Variants in ARHGEF28 observed in about 807,000 individuals in gnomAD.
ARHGEF28 encodes 190 kDa guanine nucleotide exchange factor.
Under a neutral mutation model 206.6 loss-of-function variants are expected in ARHGEF28, and 152 were observed. The ratio of observed to expected loss-of-function variants is 0.74; its 90% CI spans 0.64 to 0.84. The LOEUF (loss-of-function observed/expected upper bound fraction) is 0.84, where lower values mean the gene tolerates loss of function less well. Ranked by LOEUF, ARHGEF28 falls within the 40% of genes least tolerant of loss-of-function variation. The probability of loss-of-function intolerance (pLI) is 0.00; values close to 1 mark genes in which losing one functional copy is unlikely to be tolerated. For missense variants in ARHGEF28, 2,028 were observed against 2,073.2 expected, an observed-to-expected ratio of 0.98 and a Z score of 0.42; for synonymous variants, 763 against 776.4, an observed-to-expected ratio of 0.98 and a Z score of 0.29.
At chr5:73,936,359 T>C (rs751477810) in intron 35 of ARHGEF28, among the ~76,000 whole-genome samples, 3 of 152,218 alleles carry the variant, frequency 2.0e-5, no homozygotes, top group Non-Finnish European at 2.9e-5. Flanking sequence ...ACTGAAGATA[T>C]AGTGCTGGGA....
rs114555681 is a variant in ARHGEF28, at chr5:73,732,152, A to G, written c.34-17685A>G. Among the ~76,000 whole-genome samples, 571 of 152,082 alleles carry G rather than the reference A, an allele frequency of 3.8e-3. 1 individual carries two copies. The highest frequency in any genetic ancestry group is 0.013 in the African/African-American group (559 of 41,474). On this transcript the variant is annotated intron_variant, in intron 2 of 35. Transcript: ENST00000513042. The stretch of plus-strand genomic sequence containing the variant: ...TTGCACAAATGTATAATGATAAAGT[A>G]TCCACCTTTATGGTATTACATAGAG...
intron 9 of ARHGEF28, among the ~76,000 whole-genome samples, chr5:73,820,101 C>T (rs1053482927): frequency 1.3e-5 from 2 of 152,262 alleles, no homozygotes; most frequent in African/African-American, 4.8e-5. Flanking sequence ...GAAAGTGCCT[C>T]GTGGCACAAA....
In ARHGEF28 at chr5:73,765,430, G is replaced by A. The variant is rs144474276; in HGVS notation, c.476-8425G>A. Among the ~76,000 whole-genome samples, 567 of 152,336 alleles carry A rather than the reference G, an allele frequency of 3.7e-3. 7 individuals are homozygous for A. Among genetic ancestry groups the A allele is most frequent in the African/African-American group, 0.013 (532 of 41,576 alleles). ...GTGAGCCACGGCTCCCAGTCAGCCA[G>A]CCACACAATCACAAGAGTAATCAGT... On this transcript the variant is annotated intron_variant, in intron 4 of 35. Coordinates refer to ENST00000513042, the MANE Select transcript of ARHGEF28 (RefSeq NM_001177693.2).
chr5:73,845,125 T>C (rs1191412323), intron 11 of ARHGEF28, among the ~76,000 whole-genome samples: 3 of 151,366 alleles, frequency 2.0e-5, no homozygotes, highest in East Asian at 1.9e-4. Flanking sequence ...TCACGCCATT[T>C]TCCTGCCTTA....
At chr5:73,886,682 A>G (rs561074846) in intron 25 of ARHGEF28, among the ~76,000 whole-genome samples, 2 of 152,330 alleles carry the variant, frequency 1.3e-5, no homozygotes, top group Admixed American at 1.3e-4. Context: ...TAGCTATCAC[A>G]CTGCCTAATC....
At chr5:73,842,904 C>G (rs1758072804) in intron 11 of ARHGEF28, among the ~76,000 whole-genome samples, 1 of 151,606 alleles carries the variant, frequency 6.6e-6, no homozygotes, top group African/African-American at 2.4e-5. Flanking sequence ...GGCTCATTGC[C>G]TGAATCCGGG....
At chr5:73,816,830 C>T (rs1756241624) in intron 9 of ARHGEF28, among the ~76,000 whole-genome samples, 1 of 152,196 alleles carries the variant, frequency 6.6e-6, no homozygotes, top group South Asian at 2.1e-4. Flanking sequence ...CAAAAGTTGG[C>T]TTGTTCCTTG....
chr5:73,786,657 T>C (rs1443278707), intron 7 of ARHGEF28, among the ~76,000 whole-genome samples: 1 of 152,168 alleles, frequency 6.6e-6, no homozygotes, highest in Non-Finnish European at 1.5e-5. Context: ...ATGCAAGTGA[T>C]TAGGCTGTTT....
At position 73,830,312 on chromosome 5, in the gene ARHGEF28, G is replaced by A. The variant is rs151216847; in HGVS notation, c.1025-2026G>A. On this transcript the variant is annotated intron_variant, in intron 9 of 35. Coordinates refer to ENST00000513042, the MANE Select transcript of ARHGEF28 (RefSeq NM_001177693.2). ...CTCATGCCTGTAATCCCAGCACTTT[G>A]GGAGGCCGAGGCGGCTGGATCACGA... 6.7e-3 allele frequency among the ~76,000 whole-genome samples: 1,013 copies of A among 152,230 alleles called. 12 individuals carry two copies. The highest frequency in any genetic ancestry group is 0.023 in the African/African-American group (954 of 41,534).
intron 33 of ARHGEF28, chr5:73,905,026 C>T (rs1762469464): frequency 6.6e-6 from 1 of 152,330 alleles, no homozygotes; most frequent in African/African-American, 2.4e-5. Flanking sequence ...TTGGATGATC[C>T]CTTAGGCTGG....
intron 2 of ARHGEF28, among the ~76,000 whole-genome samples, chr5:73,699,371 G>A (rs190633487): frequency 1.5e-4 from 22 of 151,608 alleles, no homozygotes; most frequent in Admixed American, 1.1e-3. Context: ...GGGGAATCGA[G>A]AGAGAGAGAG....
chr5:73,940,823 T>C, intron 35 of ARHGEF28, 21 bp from the exon 36 acceptor site: 11 of 1,458,184 alleles, frequency 7.5e-6, no homozygotes, highest in Non-Finnish European at 9.9e-6. Context: ...TCCTGTAACC[T>C]GTGCTGTCTG....
At chr5:73,815,146 A>T (rs930399881) in intron 9 of ARHGEF28, among the ~76,000 whole-genome samples, 2 of 152,076 alleles carry the variant, frequency 1.3e-5, no homozygotes, top group Non-Finnish European at 2.9e-5. Context: ...GTCGTATATT[A>T]AAAGGCCATG....
rs1191647131 is a variant in ARHGEF28 at position 73,909,393 on chromosome 5, CCT to C, written c.4162-16_4162-15del. ...TGGAACCTTGTGTTCAGTGATTTTT[CCT>C]CTGTCTGCTCTGACAGGCCGCCTTG... On this transcript the variant is annotated splice_polypyrimidine_tract_variant and intron_variant, in intron 33 of 35. Transcript: ENST00000513042. 16 of 1,571,240 alleles carry C rather than the reference CCT, an allele frequency of 1.0e-5. No homozygotes were observed. The highest frequency in any genetic ancestry group is 1.2e-5 in the Non-Finnish European group (14 of 1,154,748).
intron 2 of ARHGEF28, among the ~76,000 whole-genome samples, chr5:73,697,665 A>G (rs1276689519): frequency 6.6e-6 from 1 of 152,178 alleles, no homozygotes; most frequent in African/African-American, 2.4e-5. Context: ...CTCTGCCCTC[A>G]TGATCCAATC....
intron 35 of ARHGEF28, among the ~76,000 whole-genome samples, chr5:73,938,160 CCACACACACACA>C (rs199804024): frequency 7.2e-5 from 10 of 139,548 alleles, no homozygotes; most frequent in African/African-American, 1.8e-4. Flanking sequence ...CTACACTACA[CCACACACACACA>C]CACACACACA....
At chr5:73,845,524 A>G (rs1367598826) in intron 11 of ARHGEF28, among the ~76,000 whole-genome samples, 3 of 152,064 alleles carry the variant, frequency 2.0e-5, no homozygotes, top group Non-Finnish European at 2.9e-5. Context: ...GCTTAGTCAC[A>G]TGCAAATCCC....
chr5:73,732,568 T>C (rs1187920317), intron 2 of ARHGEF28, among the ~76,000 whole-genome samples: 1 of 152,156 alleles, frequency 6.6e-6, no homozygotes, highest in Non-Finnish European at 1.5e-5. Flanking sequence ...ATGATGTAAG[T>C]TTTTAGTTCC....
chr5:73,898,940 A>C (rs1762112150), intron 30 of ARHGEF28: 1 of 152,226 alleles, frequency 6.6e-6, no homozygotes, highest in African/African-American at 2.4e-5. Context: ...AGAGATCAGA[A>C]GATTAAATTG....
Sources: gnomAD v4.1 joint callset for allele counts (sites outside exome capture counted in the v4.1 genomes callset) on GRCh38, gnomAD v4.1.1 for gene constraint, MANE v1.5 for transcripts, NCBI Gene and HGNC (gene_info 2026-07-23, HGNC 2026-07-21) for gene names.